The following UBE2B variants were observed in gnomAD, a reference collection of about 807,000 sequenced individuals.
UBE2B encodes ubiquitin conjugating enzyme E2 B.
In UBE2B, 11 loss-of-function variants were observed where a neutral mutation model predicts 24.6. That is an observed-to-expected ratio of 0.45 (90% CI 0.28 to 0.74). The LOEUF (loss-of-function observed/expected upper bound fraction) is 0.74, where lower values mean the gene tolerates loss of function less well. Ranked by LOEUF, UBE2B falls within the 30% of genes least tolerant of loss-of-function variation. The pLI, the probability that UBE2B is intolerant of heterozygous loss-of-function variation, is 0.13. For missense variants in UBE2B, 78 were observed against 185.6 expected (o/e 0.42, Z 3.37); for synonymous variants, 68 against 62.4 (o/e 1.09, Z -0.42).
chr5:134,386,414 G>C (rs186663094), intron 4 of UBE2B, among the ~76,000 whole-genome samples: 1 of 151,984 alleles, frequency 6.6e-6, no homozygotes, highest in East Asian at 1.9e-4. Context: ...TGGATCACCT[G>C]AGGTCAGGAG....
rs34620273 is a variant in UBE2B, at chr5:134,390,749, A to C, written c.*396A>C. ...TTTTTTATATATGAATATTACATGTAAAGCTGTTAAAATACATAACTTCAG... is the reference window on the plus strand; with the variant it reads ...TTTTTTATATATGAATATTACATGTCAAGCTGTTAAAATACATAACTTCAG... On this transcript the variant is annotated 3_prime_UTR_variant, in exon 6 of 6. Transcript: ENST00000265339. The surrounding 1 kb of genome is among the most constrained non-coding windows in gnomAD (Gnocchi z 4.6). The C allele has an allele frequency of 8.6e-3, 2,043 of 237,922 alleles. 12 individuals are homozygous for C. The highest frequency in any genetic ancestry group is 0.013 in the Non-Finnish European group (1,584 of 119,892). The allele number at this position is 237,922 out of a possible 1,614,324, so 14.7% of individuals were successfully genotyped here.
At chr5:134,374,276 A>G (rs1261610713) in intron 1 of UBE2B, 107 bp from the exon 2 acceptor site, 1 of 975,078 alleles carries the variant, frequency 1.0e-6, no homozygotes, top group Non-Finnish European at 1.6e-6. Context: ...AAGGAAATGG[A>G]GTTAGTCTGT....
Position 134,383,473 on chromosome 5 carries a change from C to CTATTTT in UBE2B, c.241+2666_241+2667insATTTTT, listed in dbSNP as rs1554114519. ...TGCAGATGTGTGCCACCATACCCAG[C>CTATTTT]TTTTTTTTTTTTTTTTTTTTTTTTT... On this transcript the variant is annotated intron_variant, in intron 4 of 5. Transcript: ENST00000265339. 4.5e-3 allele frequency among the ~76,000 whole-genome samples: 361 copies of CTATTTT among 80,044 alleles called. 26 individuals carry two copies. The highest frequency in any genetic ancestry group is 0.019 in the African/African-American group (345 of 18,440). The allele number at this position is 80,044 out of a possible 152,430, so 52.5% of individuals were successfully genotyped here.
At chr5:134,389,972 T>C (rs1174295911) in intron 5 of UBE2B, 2 of 441,320 alleles carry the variant, frequency 4.5e-6, no homozygotes, top group Non-Finnish European at 8.3e-6. Context: ...CAAGCCACTG[T>C]ACCCAGCTGA....
chr5:134,378,539 G>A (rs1026170153), intron 3 of UBE2B, among the ~76,000 whole-genome samples: 3 of 152,194 alleles, frequency 2.0e-5, no homozygotes, highest in African/African-American at 7.2e-5. Flanking sequence ...TGAGGCATGA[G>A]CCACACCCAG....
At position 134,371,646 on chromosome 5, in the gene UBE2B, G is replaced by T. The variant is rs1758425852; in HGVS notation, c.44+7G>T. 3 of 1,613,294 alleles carry T rather than the reference G, an allele frequency of 1.9e-6. No homozygotes were observed. The South Asian group carries it at 3.3e-5, about 18-fold the overall frequency. ...TCATGCGGGATTTCAAGCGGTAAGG[G>T]CCTTCACCTTCGCCTAGATGACGGC... On this transcript the variant is annotated splice_region_variant and intron_variant, in intron 1 of 5. Transcript: ENST00000265339.
chr5:134,385,165 T>C (rs554478508), intron 4 of UBE2B, among the ~76,000 whole-genome samples: 2 of 152,376 alleles, frequency 1.3e-5, no homozygotes, highest in East Asian at 1.9e-4. Context: ...AAAATTGTTT[T>C]ACACTTTTAT....
intron 5 of UBE2B, among the ~76,000 whole-genome samples, 194 bp downstream of exon 5, chr5:134,388,607 C>T (rs990916821): frequency 1.3e-5 from 2 of 152,140 alleles, no homozygotes; most frequent in Admixed American, 1.3e-4. Context: ...CATGTTCTCA[C>T]AGGTCAAACC....
At chr5:134,376,833 C>A (rs1461194283) in intron 3 of UBE2B, 139 bp downstream of exon 3, 22 of 751,650 alleles carry the variant, frequency 2.9e-5, no homozygotes, top group Non-Finnish European at 4.2e-5. Flanking sequence ...AAAATTTATA[C>A]TTCATAAGGG....
intron 2 of UBE2B, among the ~76,000 whole-genome samples, chr5:134,376,315 T>C (rs1228855420): frequency 8.6e-5 from 1 of 11,572 alleles, no homozygotes; most frequent in African/African-American, 2.7e-4. Context: ...AGAGCAAAAC[T>C]CCGTCTCAAA....
At chr5:134,386,336 A>G (rs564779777) in intron 4 of UBE2B, among the ~76,000 whole-genome samples, 1 of 139,648 alleles carries the variant, frequency 7.2e-6, no homozygotes, top group Non-Finnish European at 1.6e-5. Context: ...TCAAAAAAAG[A>G]AAAAAAAAAA....
intron 1 of UBE2B, among the ~76,000 whole-genome samples, chr5:134,373,738 G>C (rs1758539802): frequency 6.6e-6 from 1 of 152,112 alleles, no homozygotes; most frequent in Non-Finnish European, 1.5e-5. Context: ...CGTGGTGTTT[G>C]GTTTTTTGTC....
In UBE2B at chr5:134,391,394, A is replaced by G. The variant is rs1428842253; in HGVS notation, c.*1041A>G. ...TGGAGATTTTTTTTTTAATCTCCTGAGTTGTATAAAAGTTGTACTGCATCT... is the reference window on the plus strand; with the variant it reads ...TGGAGATTTTTTTTTTAATCTCCTGGGTTGTATAAAAGTTGTACTGCATCT... On this transcript the variant is annotated 3_prime_UTR_variant, in exon 6 of 6. Coordinates refer to ENST00000265339, the MANE Select transcript of UBE2B (RefSeq NM_003337.4). 6.6e-6 allele frequency: 1 copy of G among 152,420 alleles called. No individual in the cohort carries two copies. Among genetic ancestry groups the G allele is most frequent in the African/African-American group, 2.4e-5 (1 of 41,368 alleles). 9.4% of individuals were successfully genotyped at this position (152,420 alleles called of 1,614,324 possible). A position where few individuals can be genotyped will look rare whatever the true frequency, so the allele number is the denominator to read the frequency against.
intron 4 of UBE2B, chr5:134,385,542 A>T (rs1758785528): frequency 6.6e-6 from 1 of 152,172 alleles, no homozygotes; most frequent in Non-Finnish European, 1.5e-5. Flanking sequence ...ATAGTCTCAC[A>T]ATTGGGCAAA....
intron 4 of UBE2B, among the ~76,000 whole-genome samples, chr5:134,381,090 G>C (rs563891355): frequency 6.8e-6 from 1 of 146,680 alleles, no homozygotes; most frequent in African/African-American, 2.5e-5. Context: ...CCTCAGCCTT[G>C]TGAGTAGCTG....
intron 1 of UBE2B, among the ~76,000 whole-genome samples, chr5:134,372,255 C>G (rs1758469641): frequency 6.6e-6 from 1 of 152,218 alleles, no homozygotes. Context: ...GAGCTGGCCA[C>G]CCCGGCTGCC....
chr5:134,375,400 A>G (rs1758580990), intron 2 of UBE2B, among the ~76,000 whole-genome samples: 2 of 152,086 alleles, frequency 1.3e-5, no homozygotes. Flanking sequence ...AAGTAAAAGG[A>G]GTATGTTGAT....
intron 3 of UBE2B, 68 bp downstream of exon 3, chr5:134,376,762 A>G: frequency 6.8e-7 from 1 of 1,466,590 alleles, no homozygotes; most frequent in Non-Finnish European, 9.3e-7. Context: ...TTGTAACACC[A>G]ACATATCTAC....
chr5:134,372,248 C>G (rs1467711239), intron 1 of UBE2B, among the ~76,000 whole-genome samples: 2 of 152,188 alleles, frequency 1.3e-5, no homozygotes, highest in Admixed American at 6.5e-5. Flanking sequence ...GACCTTAGAG[C>G]TGGCCACCCC....
Sources: gnomAD v4.1 joint callset for allele counts (sites outside exome capture counted in the v4.1 genomes callset) on GRCh38, gnomAD v4.1.1 for gene constraint, Gnocchi (gnomAD v3.1) non-coding constraint, MANE v1.5 for transcripts, NCBI Gene and HGNC (gene_info 2026-07-23, HGNC 2026-07-21) for gene names.